DCDC1: variants seen among roughly 807,000 people sequenced by gnomAD.
DCDC1 encodes doublecortin domain containing 1.
In DCDC1, 200 loss-of-function variants were observed where a neutral mutation model predicts 178.3. That is an observed-to-expected ratio of 1.12 (90% confidence interval 1.00 to 1.26). The LOEUF (loss-of-function observed/expected upper bound fraction) is 1.26, where lower values mean the gene tolerates loss of function less well. DCDC1 is among the 50% of genes most tolerant of loss of function. The pLI is 0.00. For synonymous variants in DCDC1, 690 were observed against 604.8 expected (o/e 1.14, Z -2.07); for missense variants, 1,983 against 1,749.2 (o/e 1.13, Z -2.38).
At chr11:31,142,704 T>C (rs976692475) in intron 9 of DCDC1, among the ~76,000 whole-genome samples, 9 of 152,174 alleles carry the variant, frequency 5.9e-5, no homozygotes, top group African/African-American at 2.4e-5. Flanking sequence ...TAATAAGATA[T>C]TATAATCTTA....
At chr11:31,094,493 C>T (rs980247720) in intron 15 of DCDC1, among the ~76,000 whole-genome samples, 2 of 152,214 alleles carry the variant, frequency 1.3e-5, no homozygotes, top group Middle Eastern at 3.4e-3. Context: ...TTAAGCTCCA[C>T]ATGAATGATT....
chr11:31,091,127 ATAGAG>A (rs1473312475), intron 17 of DCDC1, among the ~76,000 whole-genome samples: 1 of 152,230 alleles, frequency 6.6e-6, no homozygotes, highest in Non-Finnish European at 1.5e-5. Flanking sequence ...TCTGATAATT[ATAGAG>A]TAAAGCAGCA....
At chr11:31,346,681 T>C (rs1197283911) in intron 1 of DCDC1, among the ~76,000 whole-genome samples, 5 of 152,108 alleles carry the variant, frequency 3.3e-5, no homozygotes, top group Admixed American at 6.5e-5. Context: ...CCATGATAAA[T>C]CTTTTTTGTT....
At chr11:31,233,758 T>C (rs947182043) in intron 9 of DCDC1, among the ~76,000 whole-genome samples, 6 of 152,196 alleles carry the variant, frequency 3.9e-5, no homozygotes, top group Non-Finnish European at 8.8e-5. Context: ...ATCCTGATCA[T>C]GTTAAAAGAT....
At chr11:31,097,939 T>C (rs1418894143) in intron 15 of DCDC1, among the ~76,000 whole-genome samples, 1 of 152,160 alleles carries the variant, frequency 6.6e-6, no homozygotes, top group African/African-American at 2.4e-5. Context: ...TCTACTAGCA[T>C]CCATAACTAC....
chr11:31,211,833 A>C (rs1972570813), intron 9 of DCDC1, among the ~76,000 whole-genome samples: 1 of 152,194 alleles, frequency 6.6e-6, no homozygotes, highest in Non-Finnish European at 1.5e-5. Context: ...CTGTAATCCC[A>C]GCACTTTGGA....
At chr11:30,988,852 A>G (rs1300584966) in intron 20 of DCDC1, among the ~76,000 whole-genome samples, 2 of 152,200 alleles carry the variant, frequency 1.3e-5, no homozygotes, top group East Asian at 3.9e-4. Context: ...GAGCCTTTCC[A>G]CCAGCTGTTC....
intron 11 of DCDC1, among the ~76,000 whole-genome samples, chr11:31,123,298 A>G (rs1428680708): frequency 6.6e-6 from 1 of 152,156 alleles, no homozygotes; most frequent in African/African-American, 2.4e-5. Context: ...GTTTACACTA[A>G]ACAAACACAA....
chr11:31,155,842 C>T (rs1320085039), intron 9 of DCDC1: 1 of 152,190 alleles, frequency 6.6e-6, no homozygotes, highest in African/African-American at 2.4e-5. Flanking sequence ...TTAGAGTCAC[C>T]TCGTCCACAA....
At chr11:31,061,951 A>T (rs1451640806) in intron 20 of DCDC1, among the ~76,000 whole-genome samples, 4 of 152,092 alleles carry the variant, frequency 2.6e-5, no homozygotes, top group Non-Finnish European at 5.9e-5. Context: ...TGCAGTCATC[A>T]GATTGCATTG....
rs573686588 is a variant in DCDC1 at position 30,870,063 on chromosome 11, T to A, written c.*41-4731A>T. ...GTGGTCTGAAGTCAGATAGGGTAAGTAAACAACTTTGAAGTACTTACAAAA... is the reference window on the plus strand; with the variant it reads ...GTGGTCTGAAGTCAGATAGGGTAAGAAAACAACTTTGAAGTACTTACAAAA... On this transcript the variant is annotated intron_variant, in intron 38 of 38. Coordinates refer to ENST00000684477, the MANE Select transcript of DCDC1 (RefSeq NM_001387274.1). Among the ~76,000 whole-genome samples the A allele has an allele frequency of 7.9e-5, 12 of 152,236 alleles. No homozygotes were observed. The South Asian group carries it at 2.5e-3, about 32-fold the overall frequency.
intron 9 of DCDC1, among the ~76,000 whole-genome samples, chr11:31,207,043 G>A (rs930563321): frequency 6.6e-5 from 10 of 152,156 alleles, no homozygotes; most frequent in African/African-American, 2.4e-4. Context: ...CAAAGATTTA[G>A]TACTACATAT....
At chr11:31,355,896 C>A (rs1255856364) in intron 1 of DCDC1, among the ~76,000 whole-genome samples, 2 of 151,970 alleles carry the variant, frequency 1.3e-5, no homozygotes, top group Non-Finnish European at 1.5e-5. Context: ...TTCTAAGCCT[C>A]CATACCAGGG....
At chr11:31,291,982 T>C (rs1947263254) in intron 6 of DCDC1, among the ~76,000 whole-genome samples, 1 of 151,844 alleles carries the variant, frequency 6.6e-6, no homozygotes. Flanking sequence ...TATTAAATGT[T>C]CAACAACAAC....
intron 17 of DCDC1, among the ~76,000 whole-genome samples, chr11:31,085,782 A>T (rs2135614027): frequency 6.6e-6 from 1 of 152,264 alleles, no homozygotes; most frequent in African/African-American, 2.4e-5. Context: ...ATCACGGCTC[A>T]CTGCTGCATC....
At chr11:31,165,142 G>C (rs955339836) in intron 9 of DCDC1, among the ~76,000 whole-genome samples, 4 of 152,054 alleles carry the variant, frequency 2.6e-5, no homozygotes, top group African/African-American at 9.7e-5. Context: ...ATATCAAATT[G>C]CCTTTCCAAA....
rs151125505 is a variant in DCDC1, at chr11:30,944,680, ATTCTC to A, written c.2715+7760_2715+7764del. Among the ~76,000 whole-genome samples, 603 of 152,286 alleles carry A rather than the reference ATTCTC, an allele frequency of 4.0e-3. 1 individual carries two copies. Among genetic ancestry groups the A allele is most frequent in the African/African-American group, 0.014 (580 of 41,568 alleles). ...ATTTGAGTTTCCCTGCTTGGTAAGTATTCTCTTCTCTTCCTCAGACATTTCAATAA... is the reference window on the plus strand; with the variant it reads ...ATTTGAGTTTCCCTGCTTGGTAAGTATTCTCTTCCTCAGACATTTCAATAA... On this transcript the variant is annotated intron_variant, in intron 21 of 38. Transcript: ENST00000684477.
At chr11:30,899,433 T>C (rs1191522824) in intron 34 of DCDC1, 108 bp downstream of exon 34, 8 of 532,018 alleles carry the variant, frequency 1.5e-5, no homozygotes, top group Non-Finnish European at 2.4e-5. Flanking sequence ...TATTGTTTTA[T>C]ATAGTACTCT....
intron 27 of DCDC1, among the ~76,000 whole-genome samples, chr11:30,912,797 A>T (rs1289606465): frequency 1.3e-5 from 2 of 152,184 alleles, no homozygotes; most frequent in African/African-American, 2.4e-5. Flanking sequence ...ATAGGGTGAT[A>T]TATATTATAT....
Sources: gnomAD v4.1 joint callset for allele counts (sites outside exome capture counted in the v4.1 genomes callset) on GRCh38, gnomAD v4.1.1 for gene constraint, MANE v1.5 for transcripts, NCBI Gene and HGNC (gene_info 2026-07-23, HGNC 2026-07-21) for gene names.